The following CRADD variants were observed in gnomAD, a reference collection of about 807,000 sequenced individuals.
CRADD encodes the protein death domain-containing protein CRADD.
CRADD carries 9 observed loss-of-function variants against 15.5 expected under a neutral mutation model. The observed-to-expected ratio is 0.58, with a 90% CI of 0.35 to 1.01. The LOEUF is 1.01. Ranked by LOEUF, CRADD falls within the 50% of genes least tolerant of loss-of-function variation. The probability of loss-of-function intolerance (pLI) is 0.02; values close to 1 mark genes in which losing one functional copy is unlikely to be tolerated. For missense variants in CRADD, 227 were observed against 250.3 expected, an observed-to-expected ratio of 0.91 and a Z score of 0.63; for synonymous variants, 118 against 107.6, an observed-to-expected ratio of 1.10 and a Z score of -0.60.
At chr12:93,750,139 C>A (rs781401610) in intron 2 of CRADD, among the ~76,000 whole-genome samples, 2 of 152,120 alleles carry the variant, frequency 1.3e-5, no homozygotes, top group Non-Finnish European at 2.9e-5. Flanking sequence ...TAGAAGTGTG[C>A]AATGTAGAAA....
chr12:93,726,823 T>A (rs1403233449), intron 2 of CRADD, among the ~76,000 whole-genome samples: 2 of 151,140 alleles, frequency 1.3e-5, no homozygotes, highest in Non-Finnish European at 2.9e-5. Context: ...TACAGCACTC[T>A]AACAGAAGGG....
chr12:93,853,160 T>G (rs1334067231), downstream of CRADD, among the ~76,000 whole-genome samples: 1 of 152,196 alleles, frequency 6.6e-6, no homozygotes, highest in Admixed American at 6.5e-5. Flanking sequence ...TTTTTTTTTG[T>G]CGATGTGGGA....
chr12:93,871,765 G>A (rs544453388), intron 2 of CRADD, among the ~76,000 whole-genome samples: 1 of 152,280 alleles, frequency 6.6e-6, no homozygotes, highest in South Asian at 2.1e-4. Context: ...TTGCTGAATA[G>A]TACTCCATTA....
At chr12:93,782,421 A>C (rs935074357) in intron 2 of CRADD, among the ~76,000 whole-genome samples, 7 of 152,106 alleles carry the variant, frequency 4.6e-5, no homozygotes, top group Non-Finnish European at 7.4e-5. Flanking sequence ...GCAGCACACC[A>C]ACATGGCACA....
chr12:93,722,273 T>C (rs1386181742), intron 2 of CRADD, among the ~76,000 whole-genome samples: 1 of 152,206 alleles, frequency 6.6e-6, no homozygotes, highest in Non-Finnish European at 1.5e-5. Flanking sequence ...CAGGAATTTT[T>C]CTTTATCTTT....
intron 2 of CRADD, among the ~76,000 whole-genome samples, chr12:93,789,274 G>T (rs1957322569): frequency 6.6e-6 from 1 of 152,064 alleles, no homozygotes. Context: ...CCAGCGGATT[G>T]CCTGGGAAGC....
intron 2 of CRADD, among the ~76,000 whole-genome samples, chr12:93,761,592 G>A (rs1273149985): frequency 6.6e-6 from 1 of 152,124 alleles, no homozygotes; most frequent in Non-Finnish European, 1.5e-5. Flanking sequence ...GACCTGGGAT[G>A]TCATCTCATT....
chr12:93,842,042 T>C (rs1958054390), intron 2 of CRADD, among the ~76,000 whole-genome samples: 2 of 152,202 alleles, frequency 1.3e-5, no homozygotes, highest in South Asian at 4.1e-4. Context: ...TATCACAAAA[T>C]AACTGAAGTT....
intron 2 of CRADD, among the ~76,000 whole-genome samples, chr12:93,702,670 T>G (rs1293197404): frequency 6.6e-6 from 1 of 151,842 alleles, no homozygotes; most frequent in Non-Finnish European, 1.5e-5. Context: ...TTTCTGGGTT[T>G]TCTTGGCTCC....
At chr12:93,730,860 C>T (rs533900744) in intron 2 of CRADD, among the ~76,000 whole-genome samples, 14 of 152,086 alleles carry the variant, frequency 9.2e-5, no homozygotes, top group African/African-American at 3.1e-4. Flanking sequence ...GAATTACAGG[C>T]ACATGCCACC....
rs535698599 is a variant in CRADD, at chr12:93,766,109, C to T, written c.299-83861C>T. ...AAGAAATCTTATTTTTGAGATATAGCTGGTAAATATGGAAAACTCAAAACG... is the reference window on the plus strand; with the variant it reads ...AAGAAATCTTATTTTTGAGATATAGTTGGTAAATATGGAAAACTCAAAACG... On this transcript the variant is annotated intron_variant, in intron 2 of 2. Transcript: ENST00000332896. 2.4e-4 allele frequency among the ~76,000 whole-genome samples: 37 copies of T among 152,256 alleles called. No homozygotes were observed. In the South Asian group the frequency reaches 7.3e-3, roughly 30 times the overall value.
At chr12:93,732,153 A>G (rs1956478229) in intron 2 of CRADD, among the ~76,000 whole-genome samples, 1 of 151,784 alleles carries the variant, frequency 6.6e-6, no homozygotes, top group Non-Finnish European at 1.5e-5. Flanking sequence ...AAAAAAAAAA[A>G]GAAAGAAAGA....
chr12:93,782,298 C>T (rs1003674531), intron 2 of CRADD, among the ~76,000 whole-genome samples: 1 of 139,104 alleles, frequency 7.2e-6, no homozygotes, highest in Admixed American at 8.2e-5. Flanking sequence ...ACAATGAGAA[C>T]ACATGGACAC....
chr12:93,816,467 T>C (rs937363000), intron 2 of CRADD, among the ~76,000 whole-genome samples: 1 of 150,738 alleles, frequency 6.6e-6, no homozygotes, highest in African/African-American at 2.4e-5. Context: ...CCTCAAGTCA[T>C]CTGCCTGCCT....
At chr12:93,706,137 T>C (rs897940934) in intron 2 of CRADD, among the ~76,000 whole-genome samples, 3 of 152,254 alleles carry the variant, frequency 2.0e-5, no homozygotes, top group Non-Finnish European at 4.4e-5. Flanking sequence ...TTGTTGTTAT[T>C]GCTAATGAAT....
intron 2 of CRADD, among the ~76,000 whole-genome samples, chr12:93,710,482 A>G (rs1956045759): frequency 1.3e-5 from 2 of 151,802 alleles, no homozygotes; most frequent in South Asian, 4.1e-4. Flanking sequence ...AGTAGCTGAG[A>G]TTACAGGTGC....
intron 1 of CRADD, among the ~76,000 whole-genome samples, chr12:93,678,265 A>G (rs906955599): frequency 6.6e-6 from 1 of 152,088 alleles, no homozygotes; most frequent in Non-Finnish European, 1.5e-5. Context: ...TCTGTCCTGC[A>G]CTCCTATTAC....
chr12:93,857,685 G>T (rs1462857626), intron 2 of CRADD, among the ~76,000 whole-genome samples: 1 of 152,194 alleles, frequency 6.6e-6, no homozygotes, highest in Non-Finnish European at 1.5e-5. Context: ...GAAGCCTTGG[G>T]CTACTTCCAC....
At chr12:93,853,875 C>T (rs1456380633), downstream of CRADD, among the ~76,000 whole-genome samples, 2 of 152,156 alleles carry the variant, frequency 1.3e-5, no homozygotes, top group Admixed American at 6.5e-5. Flanking sequence ...TGTGTGGATG[C>T]GCCGTCATGT....
Sources: allele counts gnomAD v4.1 joint callset (sites outside exome capture counted in the v4.1 genomes callset), GRCh38; gene constraint gnomAD v4.1.1; transcripts MANE v1.5; gene names NCBI Gene and HGNC (gene_info 2026-07-23, HGNC 2026-07-21).